Variants in ITGAM observed in about 807,000 individuals in gnomAD.
ITGAM encodes the protein integrin alpha-M.
In ITGAM, 79 loss-of-function variants were observed where a neutral mutation model predicts 137.5. That is an observed-to-expected ratio of 0.57 (90% CI 0.48 to 0.69). The LOEUF is 0.69. Ranked by LOEUF, ITGAM falls within the 30% of genes least tolerant of loss-of-function variation. ITGAM has a pLI of 0.00. For synonymous variants in ITGAM, 583 were observed against 592.3 expected, an observed-to-expected ratio of 0.98 and a Z score of 0.23; for missense variants, 1,343 against 1,483.5, an observed-to-expected ratio of 0.91 and a Z score of 1.56.
At chr16:31,321,775 G>GA in intron 16 of ITGAM, 148 bp downstream of exon 16, 1 of 812,006 alleles carries the variant, frequency 1.2e-6, no homozygotes, top group Non-Finnish European at 1.9e-6. Flanking sequence ...GAGTGAGCAG[G>GA]CTATTGTCCT....
chr16:31,284,460 G>A (rs2080005877), intron 12 of ITGAM, among the ~76,000 whole-genome samples: 2 of 147,352 alleles, frequency 1.4e-5, no homozygotes, highest in South Asian at 4.2e-4. Flanking sequence ...CTGCCACCTT[G>A]CAGCTTGATC....
intron 14 of ITGAM, among the ~76,000 whole-genome samples, chr16:31,304,414 T>G (rs2080245852): frequency 6.6e-6 from 1 of 152,168 alleles, no homozygotes; most frequent in Non-Finnish European, 1.5e-5. Context: ...ATTCTGTGGG[T>G]TTTCTGTTTG....
At chr16:31,329,701 C>A (rs1413368709) in intron 24 of ITGAM, 97 bp from the exon 25 acceptor site, 2 of 972,540 alleles carry the variant, frequency 2.1e-6, no homozygotes, top group East Asian at 2.6e-5. Flanking sequence ...GGGCAGGACG[C>A]CCGGGCCTAT....
intron 12 of ITGAM, among the ~76,000 whole-genome samples, chr16:31,291,070 A>G (rs1012942276): frequency 2.0e-5 from 3 of 151,608 alleles, no homozygotes; most frequent in Non-Finnish European, 2.9e-5. Context: ...GAAATAAAAG[A>G]CCTAAATAAA....
chr16:31,273,598 TA>T, intron 8 of ITGAM, 80 bp downstream of exon 8: 1 of 1,414,876 alleles, frequency 7.1e-7, no homozygotes. Flanking sequence ...TTGCAAATAT[TA>T]TTAAAATCAA....
intron 12 of ITGAM, among the ~76,000 whole-genome samples, chr16:31,280,158 A>G (rs2079952709): frequency 6.6e-6 from 1 of 152,174 alleles, no homozygotes; most frequent in Non-Finnish European, 1.5e-5. Context: ...TATAGTTTGA[A>G]GTCAGGTAGC....
chr16:31,322,127 C>T (rs1274808064), intron 16 of ITGAM, among the ~76,000 whole-genome samples: 3 of 152,014 alleles, frequency 2.0e-5, no homozygotes, highest in Admixed American at 6.6e-5. Flanking sequence ...CTAGTAATGA[C>T]AGTACTAGAA....
In ITGAM at chr16:31,264,503, G is replaced by A. The variant is rs536211547; in HGVS notation, c.135-892G>A. ...TAAATAAAATGACTGTGTGGGCCGG[G>A]TCCAGTGGCTCATGCCTGTAATTCT... On this transcript the variant is annotated intron_variant, in intron 2 of 29. Coordinates refer to ENST00000544665, the MANE Select transcript of ITGAM (RefSeq NM_000632.4). Among the ~76,000 whole-genome samples, 13 of 152,188 alleles carry A rather than the reference G, an allele frequency of 8.5e-5. No individual in the cohort carries two copies. The East Asian group carries it at 2.5e-3, about 30-fold the overall frequency.
In ITGAM at chr16:31,260,099, G is replaced by A. The variant is rs960351072; in HGVS notation, c.28+7G>A. The A allele has an allele frequency of 2.5e-6, 4 of 1,573,278 alleles. No individual in the cohort carries two copies. In the African/African-American group the frequency reaches 4.0e-5, roughly 16 times the overall value. Reference sequence around the variant, plus strand: ...AGAGTCCTTCTGTTAACAGGTGCATGGGGGTGGGGTGGGGGACTCTGGGTG... The same window carrying A: ...AGAGTCCTTCTGTTAACAGGTGCATAGGGGTGGGGTGGGGGACTCTGGGTG... On this transcript the variant is annotated splice_region_variant and intron_variant, in intron 1 of 29. Coordinates refer to ENST00000544665, the MANE Select transcript of ITGAM (RefSeq NM_000632.4).
chr16:31,279,651 T>A (rs1015832975), intron 12 of ITGAM, among the ~76,000 whole-genome samples: 10 of 152,236 alleles, frequency 6.6e-5, no homozygotes, highest in African/African-American at 2.4e-4. Flanking sequence ...ATTTGTCAGA[T>A]GGGTAGATTG....
Position 31,311,225 on chromosome 16 carries a change from C to T in ITGAM, c.1708-10016C>T, listed in dbSNP as rs367931596. On this transcript the variant is annotated intron_variant, in intron 14 of 29. Transcript: ENST00000544665. ...ATACCATTGAGGACATAGGCATGGG[C>T]AAGGACTTCATGTCTAAAACATCGA... is the stretch of plus-strand genomic sequence containing the variant. 1.7e-3 allele frequency among the ~76,000 whole-genome samples: 266 copies of T among 152,282 alleles called. 11 individuals carry two copies. In the South Asian group the frequency reaches 0.054, roughly 31 times the overall value.
At chr16:31,325,198 T>A (rs7206295) in intron 19 of ITGAM, 65 bp from the exon 20 acceptor site, 4 of 1,551,624 alleles carry the variant, frequency 2.6e-6, no homozygotes, top group Non-Finnish European at 3.5e-6. Context: ...TCTGTTCTGC[T>A]GGAGCAGGCT....
chr16:31,321,740 T>G, intron 16 of ITGAM, 113 bp downstream of exon 16: 1 of 1,107,972 alleles, frequency 9.0e-7, no homozygotes, highest in Non-Finnish European at 1.3e-6. Flanking sequence ...TCACAGGCTC[T>G]GACAACCTTC....
chr16:31,270,792 T>A (rs1157916187), intron 5 of ITGAM, among the ~76,000 whole-genome samples, 162 bp from the exon 6 acceptor site: 1 of 128,618 alleles, frequency 7.8e-6, no homozygotes, highest in Admixed American at 8.5e-5. Flanking sequence ...ACGTTAAAAA[T>A]TATATATATA....
chr16:31,310,512 C>T (rs568839387), intron 14 of ITGAM, among the ~76,000 whole-genome samples: 3 of 152,214 alleles, frequency 2.0e-5, no homozygotes, highest in Non-Finnish European at 2.9e-5. Context: ...GTGCATTCGT[C>T]ACGTAGTTCT....
rs1351433161 is a variant in ITGAM at position 31,332,825 on chromosome 16, C to T, written c.*1118C>T. The T allele has an allele frequency of 6.6e-6, 1 of 152,180 alleles. No homozygotes were observed. The highest frequency in any genetic ancestry group is 1.5e-5 in the Non-Finnish European group (1 of 68,030). 9.4% of individuals were successfully genotyped at this position (152,180 alleles called of 1,614,324 possible). On this transcript the variant is annotated 3_prime_UTR_variant, in exon 30 of 30. Coordinates refer to ENST00000544665, the MANE Select transcript of ITGAM (RefSeq NM_000632.4). Reference sequence around the variant, plus strand: ...TCTTTTGATATACTATTTTCATTCTCTTGTTATTGCATCAATGCTGAGTTA... The same window carrying T: ...TCTTTTGATATACTATTTTCATTCTTTTGTTATTGCATCAATGCTGAGTTA...
intron 12 of ITGAM, among the ~76,000 whole-genome samples, chr16:31,284,954 C>A (rs2144339949): frequency 6.6e-6 from 1 of 152,240 alleles, no homozygotes; most frequent in Non-Finnish European, 1.5e-5. Context: ...TACAAAACCC[C>A]TCAGACACCG....
At chr16:31,291,545 G>C (rs185114913) in intron 12 of ITGAM, among the ~76,000 whole-genome samples, 38 of 152,244 alleles carry the variant, frequency 2.5e-4, no homozygotes, top group Middle Eastern at 6.8e-3. Flanking sequence ...ACTGGAATGA[G>C]ATGATATCTC....
intron 14 of ITGAM, among the ~76,000 whole-genome samples, chr16:31,306,883 T>A (rs958766645): frequency 3.3e-5 from 5 of 152,188 alleles, no homozygotes; most frequent in Admixed American, 6.5e-5. Context: ...GTAGTTAGTA[T>A]TAGTGTCCAA....
Sources: allele counts gnomAD v4.1 joint callset (sites outside exome capture counted in the v4.1 genomes callset), GRCh38; gene constraint gnomAD v4.1.1; transcripts MANE v1.5; gene names NCBI Gene and HGNC (gene_info 2026-07-23, HGNC 2026-07-21).